The following CRPPA variants were observed in gnomAD, a reference collection of about 807,000 sequenced individuals.
CRPPA encodes CDP-L-ribitol pyrophosphorylase A.
Under a neutral mutation model 52.0 loss-of-function variants are expected in CRPPA, and 43 were observed. That is an observed-to-expected ratio of 0.83 (90% CI 0.65 to 1.07). The LOEUF is 1.07. CRPPA is among the 50% of genes least tolerant of loss of function. CRPPA has a pLI of 0.00. For synonymous variants in CRPPA, 250 were observed against 203.5 expected, an observed-to-expected ratio of 1.23 and a Z score of -1.94; for missense variants, 629 against 551.7, an observed-to-expected ratio of 1.14 and a Z score of -1.40.
intron 5 of CRPPA, among the ~76,000 whole-genome samples, chr7:16,287,765 T>C (rs1430266643): frequency 6.6e-6 from 1 of 151,958 alleles, no homozygotes; most frequent in African/African-American, 2.4e-5. Context: ...CTACTAAAAA[T>C]ACAGAAATTA....
chr7:16,205,495 A>T (rs1781955602), intron 9 of CRPPA, among the ~76,000 whole-genome samples: 1 of 152,218 alleles, frequency 6.6e-6, no homozygotes, highest in African/African-American at 2.4e-5. Context: ...GGTAATTTTT[A>T]GGCTAAATAC....
At chr7:16,193,092 G>T (rs1781649976) in intron 9 of CRPPA, among the ~76,000 whole-genome samples, 1 of 152,100 alleles carries the variant, frequency 6.6e-6, no homozygotes, top group Admixed American at 6.6e-5. Context: ...ATAAATGCCT[G>T]TTGGCATTTT....
At chr7:16,387,061 A>G (rs10238311) in intron 2 of CRPPA, among the ~76,000 whole-genome samples, 2,097 of 93,472 alleles carry the variant, frequency 0.022, 109 homozygotes, top group African/African-American at 0.094. Context: ...ATATATATAT[A>G]TATATATATA....
chr7:16,154,076 T>C (rs189330729), intron 9 of CRPPA, among the ~76,000 whole-genome samples: 427 of 150,500 alleles, frequency 2.8e-3, no homozygotes, highest in Non-Finnish European at 4.5e-3. Flanking sequence ...AAACTACTAA[T>C]AGGCAGTAGT....
chr7:16,388,260 C>T (rs1787345706), intron 2 of CRPPA, among the ~76,000 whole-genome samples: 2 of 151,644 alleles, frequency 1.3e-5, no homozygotes. Flanking sequence ...GCAACCATGC[C>T]CAGCCAAAGT....
chr7:16,130,290 G>C (rs927176315), intron 9 of CRPPA, among the ~76,000 whole-genome samples: 1 of 152,164 alleles, frequency 6.6e-6, no homozygotes, highest in African/African-American at 2.4e-5. Flanking sequence ...TGAGAACAAA[G>C]AGTATCTCTA....
At chr7:16,311,497 C>A (rs1219843200) in intron 3 of CRPPA, among the ~76,000 whole-genome samples, 1 of 152,020 alleles carries the variant, frequency 6.6e-6, no homozygotes, top group Non-Finnish European at 1.5e-5. Flanking sequence ...CTTTTGGTGA[C>A]TTTATAGCTA....
At chr7:16,168,278 A>C (rs1051412508) in intron 9 of CRPPA, among the ~76,000 whole-genome samples, 1 of 152,110 alleles carries the variant, frequency 6.6e-6, no homozygotes, top group Non-Finnish European at 1.5e-5. Flanking sequence ...ACTTCTTACA[A>C]CTTGGTTTGC....
At chr7:16,306,751 G>A (rs573857700) in intron 4 of CRPPA, among the ~76,000 whole-genome samples, 1 of 152,182 alleles carries the variant, frequency 6.6e-6, no homozygotes, top group East Asian at 1.9e-4. Context: ...CATCTAACTG[G>A]TAATTGCCAA....
At chr7:16,158,734 T>C (rs903725710) in intron 9 of CRPPA, among the ~76,000 whole-genome samples, 1 of 152,158 alleles carries the variant, frequency 6.6e-6, no homozygotes, top group African/African-American at 2.4e-5. Context: ...ATATATCCAA[T>C]AGTATCTATG....
intron 9 of CRPPA, among the ~76,000 whole-genome samples, chr7:16,207,775 T>C (rs754539595): frequency 4.6e-5 from 7 of 152,154 alleles, no homozygotes; most frequent in Non-Finnish European, 8.8e-5. Flanking sequence ...TAAAATCAAA[T>C]CCCATTTTAA....
chr7:16,205,970 T>A (rs1249115510), intron 9 of CRPPA, among the ~76,000 whole-genome samples: 2 of 152,008 alleles, frequency 1.3e-5, no homozygotes, highest in Non-Finnish European at 2.9e-5. Context: ...TACTTAAAAT[T>A]AAAAACCAAA....
intron 1 of CRPPA, among the ~76,000 whole-genome samples, chr7:16,406,684 C>T (rs1192533868): frequency 2.0e-5 from 3 of 152,120 alleles, no homozygotes; most frequent in Non-Finnish European, 2.9e-5. Context: ...TTGGGATATG[C>T]TTTTAAATTT....
At chr7:16,183,207 G>A (rs1781445197) in intron 9 of CRPPA, among the ~76,000 whole-genome samples, 1 of 152,132 alleles carries the variant, frequency 6.6e-6, no homozygotes, top group African/African-American at 2.4e-5. Context: ...AGGAGTAAAT[G>A]AAAAGCAATC....
intron 3 of CRPPA, among the ~76,000 whole-genome samples, chr7:16,369,707 T>C (rs897399176): frequency 6.6e-6 from 1 of 152,028 alleles, no homozygotes; most frequent in African/African-American, 2.4e-5. Flanking sequence ...TAGCAGGCAG[T>C]ATTAGCGTGA....
At chr7:16,244,023 A>T (rs1783198725) in intron 8 of CRPPA, among the ~76,000 whole-genome samples, 1 of 152,208 alleles carries the variant, frequency 6.6e-6, no homozygotes, top group Admixed American at 6.5e-5. Flanking sequence ...ACTATTATAT[A>T]ATGTCTACAA....
Position 16,096,643 on chromosome 7 carries a change from G to A in CRPPA, c.1252-4844C>T, listed in dbSNP as rs528304633. Among the ~76,000 whole-genome samples, 50 of 152,206 alleles carry A rather than the reference G, an allele frequency of 3.3e-4. 1 individual carries two copies. The highest frequency in any genetic ancestry group is 1.2e-3 in the African/African-American group (48 of 41,524). On this transcript the variant is annotated intron_variant, in intron 9 of 9. Transcript: ENST00000407010. ...AGAAAATTTTGTTGCCCAGGGTAGA[G>A]TGCAGGTTGCCCAGGTTGATCTCAA... is the stretch of plus-strand genomic sequence containing the variant.
intron 5 of CRPPA, among the ~76,000 whole-genome samples, chr7:16,281,899 C>A (rs1463397920): frequency 6.6e-6 from 1 of 152,108 alleles, no homozygotes; most frequent in Non-Finnish European, 1.5e-5. Context: ...AATATCTGTA[C>A]AATTGTATTG....
At chr7:16,383,236 T>G (rs1787160631) in intron 2 of CRPPA, among the ~76,000 whole-genome samples, 1 of 152,172 alleles carries the variant, frequency 6.6e-6, no homozygotes, top group Non-Finnish European at 1.5e-5. Context: ...TGCAGGTCTG[T>G]TGGAGTTTGC....
Sources: allele counts gnomAD v4.1 joint callset (sites outside exome capture counted in the v4.1 genomes callset), GRCh38; gene constraint gnomAD v4.1.1; transcripts MANE v1.5; gene names NCBI Gene and HGNC (gene_info 2026-07-23, HGNC 2026-07-21).